TAF3: variants seen among roughly 807,000 people sequenced by gnomAD.
TAF3 encodes the protein TATA-box binding protein associated factor 3, also known as transcription initiation factor TFIID subunit 3.
A neutral mutation model predicts 80.6 loss-of-function variants in TAF3; 7 were observed. The observed-to-expected ratio is 0.09, with a 90% CI of 0.05 to 0.16. The LOEUF is 0.16. Among genes scored for constraint, TAF3 ranks in the 10% least tolerant of loss-of-function variants. The probability of loss-of-function intolerance (pLI) is 1.00; values close to 1 mark genes in which losing one functional copy is unlikely to be tolerated. For synonymous variants in TAF3, 444 were observed against 446.1 expected (o/e 1.00, Z 0.06); for missense variants, 921 against 1,140.2 (o/e 0.81, Z 2.77).
intron 2 of TAF3, among the ~76,000 whole-genome samples, chr10:7,887,970 C>A (rs1837424638): frequency 6.6e-6 from 1 of 152,104 alleles, no homozygotes; most frequent in Admixed American, 6.5e-5. Flanking sequence ...TTTCCAAGCC[C>A]TTGAATTCAT....
intron 2 of TAF3, among the ~76,000 whole-genome samples, chr10:7,875,019 C>A (rs1837301251): frequency 6.6e-6 from 1 of 152,036 alleles, no homozygotes. Flanking sequence ...TCTTTTGATA[C>A]TCAATTATAG....
rs1837679121 is a variant in TAF3, at chr10:7,913,755, T to A, written c.410-50165T>A. On this transcript the variant is annotated intron_variant, in intron 2 of 6. Coordinates refer to ENST00000344293, the MANE Select transcript of TAF3 (RefSeq NM_031923.4). ...GAGACAGCAGATACTTGTGCCTCTT[T>A]AGGGATACAGTAAGAGGTATACTGC... 2.0e-5 allele frequency among the ~76,000 whole-genome samples: 3 copies of A among 152,208 alleles called. No homozygotes were observed. The South Asian group carries it at 6.2e-4, about 32-fold the overall frequency.
chr10:8,012,165 G>A (rs990512080), intron 5 of TAF3, among the ~76,000 whole-genome samples: 6 of 152,090 alleles, frequency 3.9e-5, no homozygotes, highest in Non-Finnish European at 7.4e-5. Flanking sequence ...GTGACAGAGT[G>A]AAACCCTGTC....
chr10:7,831,289 C>G (rs1481727523), intron 2 of TAF3, among the ~76,000 whole-genome samples: 3 of 151,876 alleles, frequency 2.0e-5, no homozygotes, highest in Non-Finnish European at 4.4e-5. Context: ...TGACTAGTTT[C>G]ATTTAATACT....
At chr10:8,014,403 T>G (rs1251899602) in intron 6 of TAF3, among the ~76,000 whole-genome samples, 1 of 152,184 alleles carries the variant, frequency 6.6e-6, no homozygotes, top group East Asian at 1.9e-4. Flanking sequence ...AGACTTCTAT[T>G]CCTGGCTGAG....
At chr10:7,870,680 G>A (rs185535777) in intron 2 of TAF3, among the ~76,000 whole-genome samples, 271 of 152,178 alleles carry the variant, frequency 1.8e-3, no homozygotes, top group African/African-American at 6.0e-3. Flanking sequence ...AACTCGACAC[G>A]CTTCTGAGTT....
At chr10:7,949,511 C>G (rs1165146239) in intron 2 of TAF3, among the ~76,000 whole-genome samples, 5 of 152,224 alleles carry the variant, frequency 3.3e-5, no homozygotes, top group African/African-American at 4.8e-5. Flanking sequence ...GTCCTCCCTT[C>G]TTTGACACTT....
At chr10:7,823,334 TAA>T (rs948457411) in intron 1 of TAF3, among the ~76,000 whole-genome samples, 31 of 135,710 alleles carry the variant, frequency 2.3e-4, no homozygotes, top group African/African-American at 5.4e-4. Context: ...ATTTGATGAT[TAA>T]AAAAAAAAAA....
At chr10:7,873,940 CTG>C (rs1208781568) in intron 2 of TAF3, among the ~76,000 whole-genome samples, 1 of 152,188 alleles carries the variant, frequency 6.6e-6, no homozygotes, top group Admixed American at 6.5e-5. Flanking sequence ...ATGATTACCG[CTG>C]TGTTTCCCCT....
At chr10:7,932,987 C>T (rs1471850756) in intron 2 of TAF3, among the ~76,000 whole-genome samples, 4 of 151,818 alleles carry the variant, frequency 2.6e-5, no homozygotes, top group Admixed American at 2.6e-4. Flanking sequence ...GCCTGTGTTC[C>T]ACTTAATATT....
chr10:7,993,662 A>C (rs1227308916), intron 4 of TAF3, among the ~76,000 whole-genome samples: 4 of 152,124 alleles, frequency 2.6e-5, no homozygotes, highest in Non-Finnish European at 1.5e-5. Context: ...TTTTTTCTTA[A>C]AGGGTATTTT....
chr10:7,961,876 G>T (rs1714788471), intron 2 of TAF3, among the ~76,000 whole-genome samples: 1 of 151,314 alleles, frequency 6.6e-6, no homozygotes, highest in Admixed American at 6.6e-5. Flanking sequence ...TAAAAATAGG[G>T]TCTCGCTCTG....
intron 2 of TAF3, among the ~76,000 whole-genome samples, chr10:7,888,618 G>A (rs569677005): frequency 6.6e-6 from 1 of 152,272 alleles, no homozygotes; most frequent in Non-Finnish European, 1.5e-5. Flanking sequence ...CCAGTTAGGT[G>A]CATTTACAGG....
At chr10:7,948,992 G>T (rs1248050569) in intron 2 of TAF3, among the ~76,000 whole-genome samples, 1 of 152,246 alleles carries the variant, frequency 6.6e-6, no homozygotes. Flanking sequence ...GAGGTGCTGG[G>T]CGGGTGGGGA....
intron 2 of TAF3, among the ~76,000 whole-genome samples, chr10:7,860,749 C>T (rs1255824063): frequency 1.3e-5 from 2 of 151,564 alleles, no homozygotes; most frequent in African/African-American, 4.9e-5. Flanking sequence ...ATATTGGAGT[C>T]CAGTTGCCCA....
At position 7,853,337 on chromosome 10, in the gene TAF3, A is replaced by G. The variant is rs555127726; in HGVS notation, c.409+28777A>G. On this transcript the variant is annotated intron_variant, in intron 2 of 6. Coordinates refer to ENST00000344293, the MANE Select transcript of TAF3 (RefSeq NM_031923.4). ...CCAACTCCACATGTGGGGGCATTACATTGGCGGCTTGAAATTGGCCATTGT... is the reference window on the plus strand; with the variant it reads ...CCAACTCCACATGTGGGGGCATTACGTTGGCGGCTTGAAATTGGCCATTGT... Among the ~76,000 whole-genome samples the G allele has an allele frequency of 5.3e-5, 8 of 152,320 alleles. 1 individual carries two copies. In the South Asian group the frequency reaches 1.7e-3, roughly 32 times the overall value.
intron 2 of TAF3, among the ~76,000 whole-genome samples, chr10:7,895,386 G>A (rs943605619): frequency 3.3e-5 from 5 of 152,146 alleles, no homozygotes; most frequent in African/African-American, 9.7e-5. Flanking sequence ...TCTGAAGCCA[G>A]CAGACAGTTC....
chr10:7,956,227 C>T (rs995357830), intron 2 of TAF3, among the ~76,000 whole-genome samples: 2 of 152,142 alleles, frequency 1.3e-5, no homozygotes, highest in African/African-American at 4.8e-5. Context: ...CGGTGTCTCA[C>T]GCCTGTAATC....
rs1372069812 is a variant in TAF3, at chr10:7,965,028, C to A, written c.1518C>A (p.His506Gln). ...SVSPPTPEPL[H>Q]KVYEEKTKLP... is the part of the protein sequence containing the mutation. The stretch of plus-strand genomic sequence containing the variant: ...CTCCTCCCACTCCCGAACCTCTCCA[C>A]AAGGTGTATGAGGAGAAAACCAAGC... The change falls in exon 3 of 7, where the codon CAC becomes CAA. Residue 506 changes from histidine to glutamine, a missense_variant. By Grantham distance (24) the His-to-Gln change is conservative. Around this residue, in one of 6 missense-constraint regions of TAF3, gnomAD observed 743 missense variants for 821.0 expected, o/e 0.90. Coordinates refer to ENST00000344293, the MANE Select transcript of TAF3 (RefSeq NM_031923.4). The A allele has an allele frequency of 1.2e-6, 2 of 1,614,024 alleles. No homozygotes were observed. The highest frequency in any genetic ancestry group is 3.3e-5 in the Admixed American group (2 of 60,026).
Sources: allele counts gnomAD v4.1 joint callset (sites outside exome capture counted in the v4.1 genomes callset), GRCh38; gene constraint gnomAD v4.1.1; regional missense constraint gnomAD v4.1.1; transcripts MANE v1.5; gene names NCBI Gene and HGNC (gene_info 2026-07-23, HGNC 2026-07-21).